Variants in RBFOX3 observed in about 807,000 individuals in gnomAD.
The protein encoded by RBFOX3 is RNA binding fox-1 homolog 3.
In RBFOX3, 17 loss-of-function variants were observed where a neutral mutation model predicts 48.7. The observed-to-expected ratio is 0.35, with a 90% confidence interval of 0.24 to 0.52. The LOEUF (loss-of-function observed/expected upper bound fraction) is 0.52, where lower values mean the gene tolerates loss of function less well. RBFOX3 is among the 20% of genes least tolerant of loss of function. The probability of loss-of-function intolerance (pLI) is 0.94; values close to 1 mark genes in which losing one functional copy is unlikely to be tolerated. For missense variants in RBFOX3, 382 were observed against 497.5 expected, an observed-to-expected ratio of 0.77 and a Z score of 2.21; for synonymous variants, 212 against 209.5, an observed-to-expected ratio of 1.01 and a Z score of -0.10.
intron 1 of RBFOX3, among the ~76,000 whole-genome samples, chr17:79,491,940 A>G (rs2080737526): frequency 6.6e-6 from 1 of 152,116 alleles, no homozygotes; most frequent in Admixed American, 6.5e-5. Context: ...AAATTAGTCA[A>G]GTATGGTGGT....
intron 4 of RBFOX3, among the ~76,000 whole-genome samples, chr17:79,139,695 G>T (rs1015710319): frequency 6.6e-5 from 10 of 152,152 alleles, no homozygotes; most frequent in Admixed American, 5.9e-4. Flanking sequence ...ACCAGGATCT[G>T]CCCACCACCA....
intron 4 of RBFOX3, among the ~76,000 whole-genome samples, chr17:79,185,394 C>A (rs1026710463): frequency 6.6e-6 from 1 of 152,188 alleles, no homozygotes; most frequent in Non-Finnish European, 1.5e-5. Flanking sequence ...CCGGGCATGC[C>A]TGGGCCAGGA....
chr17:79,158,355 A>G (rs1361887808), intron 4 of RBFOX3, among the ~76,000 whole-genome samples: 1 of 152,186 alleles, frequency 6.6e-6, no homozygotes, highest in East Asian at 1.9e-4. Flanking sequence ...TCTGTGCCTC[A>G]GTTTCCTCTA....
chr17:79,381,204 G>A (rs1266131227), intron 2 of RBFOX3, among the ~76,000 whole-genome samples: 1 of 151,404 alleles, frequency 6.6e-6, no homozygotes, highest in Non-Finnish European at 1.5e-5. Flanking sequence ...AGGTTGCAAT[G>A]AGCCAAGATC....
At chr17:79,572,735 A>G (rs879048013) in intron 1 of RBFOX3, among the ~76,000 whole-genome samples, 107,874 of 152,116 alleles carry the variant, frequency 0.71, 38,497 homozygotes, top group East Asian at 0.94. Flanking sequence ...CGTGTTTCCC[A>G]AGGCTCATTG....
chr17:79,355,668 C>A (rs192509194), intron 2 of RBFOX3, among the ~76,000 whole-genome samples: 1 of 152,114 alleles, frequency 6.6e-6, no homozygotes, highest in Admixed American at 6.5e-5. Flanking sequence ...GCAACCTCCA[C>A]CTCCCAGGTT....
intron 4 of RBFOX3, among the ~76,000 whole-genome samples, chr17:79,191,061 G>A (rs2054423547): frequency 6.6e-6 from 1 of 152,236 alleles, no homozygotes; most frequent in African/African-American, 2.4e-5. Context: ...GTCAAGGTTT[G>A]TTCTTCCATC....
chr17:79,120,304 G>C (rs148535599), intron 4 of RBFOX3, among the ~76,000 whole-genome samples: 356 of 152,234 alleles, frequency 2.3e-3, no homozygotes, highest in Non-Finnish European at 3.8e-3. Flanking sequence ...ACGTACGTAT[G>C]TACGTATGTA....
At chr17:79,386,074 T>C (rs997239064) in intron 2 of RBFOX3, among the ~76,000 whole-genome samples, 2 of 143,622 alleles carry the variant, frequency 1.4e-5, no homozygotes, top group Non-Finnish European at 3.0e-5. Flanking sequence ...TCACCCTCCA[T>C]TGCAGACAGG....
At chr17:79,104,431 C>T (rs992068985) in intron 6 of RBFOX3, among the ~76,000 whole-genome samples, 21 of 152,104 alleles carry the variant, frequency 1.4e-4, no homozygotes, top group African/African-American at 5.1e-4. Context: ...TCCCTTCTGC[C>T]TTGGGGAGCT....
the RBFOX3 span, among the ~76,000 whole-genome samples, chr17:79,644,177 T>C: frequency 6.6e-6 from 1 of 152,176 alleles, no homozygotes; most frequent in African/African-American, 2.4e-5. Flanking sequence ...TGAGTAGAGA[T>C]TGAATACATC....
At chr17:79,442,829 G>A (rs8076334) in intron 2 of RBFOX3, among the ~76,000 whole-genome samples, 56,713 of 152,030 alleles carry the variant, frequency 0.37, 10,850 homozygotes, top group Middle Eastern at 0.47. Flanking sequence ...CTCCCAGGAG[G>A]ACAGGACCTG....
intron 1 of RBFOX3, among the ~76,000 whole-genome samples, chr17:79,591,830 G>A (rs1157949774): frequency 6.6e-6 from 1 of 151,862 alleles, no homozygotes; most frequent in Non-Finnish European, 1.5e-5. Flanking sequence ...TGCACGTGTG[G>A]AGGGTGTGTG....
intron 13 of RBFOX3, 87 bp from the exon 14 acceptor site, chr17:79,094,616 G>A: frequency 1.2e-6 from 1 of 843,154 alleles, no homozygotes; most frequent in South Asian, 2.1e-5. Flanking sequence ...CCTCCTCCCA[G>A]ACACTACATG....
rs924348781 is a variant in RBFOX3 at position 79,391,847 on chromosome 17, G to A, written c.-174-84023C>T. On this transcript the variant is annotated intron_variant, in intron 2 of 14. Coordinates refer to ENST00000693108, the MANE Select transcript of RBFOX3 (RefSeq NM_001350451.2). This position sits in a 1 kb window ranked among gnomAD's most constrained non-coding sequence, Gnocchi z 5.0. ...CAGCACACCCCCGCTCTGATCCTCGGTTTCCGAATCTGTTAAAAAAAAAAG... is the reference window on the plus strand; with the variant it reads ...CAGCACACCCCCGCTCTGATCCTCGATTTCCGAATCTGTTAAAAAAAAAAG... Among the ~76,000 whole-genome samples the A allele has an allele frequency of 6.6e-6, 1 of 151,378 alleles. No homozygotes were observed. Among genetic ancestry groups the A allele is most frequent in the Non-Finnish European group, 1.5e-5 (1 of 67,804 alleles).
chr17:79,472,158 A>G (rs113891436), intron 2 of RBFOX3, among the ~76,000 whole-genome samples: 3,591 of 152,302 alleles, frequency 0.024, 138 homozygotes, highest in African/African-American at 0.082. Context: ...CCTCCATCCC[A>G]GAGAGCAGCT....
intron 4 of RBFOX3, among the ~76,000 whole-genome samples, chr17:79,157,414 A>G (rs2046057044): frequency 6.6e-6 from 1 of 152,156 alleles, no homozygotes; most frequent in Non-Finnish European, 1.5e-5. Flanking sequence ...AAGGCCCCGG[A>G]ATCTGATCAG....
intron 1 of RBFOX3, among the ~76,000 whole-genome samples, chr17:79,589,182 C>T (rs1199439719): frequency 6.6e-6 from 1 of 152,234 alleles, no homozygotes; most frequent in Non-Finnish European, 1.5e-5. Context: ...TGCACACTGG[C>T]GGCCACAAAC....
Position 79,103,057 on chromosome 17 carries a change from G to C in RBFOX3, c.507+105C>G. The C allele has an allele frequency of 1.2e-6, 1 of 849,530 alleles. No individual in the cohort carries two copies. Among genetic ancestry groups the C allele is most frequent in the Non-Finnish European group, 1.9e-6 (1 of 526,242 alleles). The allele number at this position is 849,530 out of a possible 1,614,324, so 52.6% of individuals were successfully genotyped here. A position where few individuals can be genotyped will look rare whatever the true frequency, so the allele number is the denominator to read the frequency against. ...CTCCCACCCCAGGGAACCCTGGCCA[G>C]GCTCTCTGAAGGGTGCGGCAGTGGC... On this transcript the variant is annotated intron_variant, in intron 8 of 14. Coordinates refer to ENST00000693108, the MANE Select transcript of RBFOX3 (RefSeq NM_001350451.2). This position sits in a 1 kb window ranked among gnomAD's most constrained non-coding sequence, Gnocchi z 6.1.
Sources: allele counts gnomAD v4.1 joint callset (sites outside exome capture counted in the v4.1 genomes callset), GRCh38; gene constraint gnomAD v4.1.1; non-coding constraint Gnocchi (gnomAD v3.1); transcripts MANE v1.5; gene names NCBI Gene and HGNC (gene_info 2026-07-23, HGNC 2026-07-21).